The following SEMA6A variants were observed in gnomAD, a reference collection of about 807,000 sequenced individuals.
The protein encoded by SEMA6A is semaphorin 6A, also known as semaphorin-6A.
A neutral mutation model predicts 96.8 loss-of-function variants in SEMA6A; 25 were observed. The ratio of observed to expected loss-of-function variants is 0.26; its 90% CI spans 0.19 to 0.36. The LOEUF (loss-of-function observed/expected upper bound fraction) is 0.36, where lower values mean the gene tolerates loss of function less well. Among genes scored for constraint, SEMA6A ranks in the 10% least tolerant of loss-of-function variants. The probability of loss-of-function intolerance (pLI) is 1.00; values close to 1 mark genes in which losing one functional copy is unlikely to be tolerated. For missense variants in SEMA6A, 1,363 were observed against 1,323.1 expected (o/e 1.03, Z -0.47); for synonymous variants, 612 against 518.0 (o/e 1.18, Z -2.46).
chr5:116,508,557 A>AAGGGCTCAC (rs1292572503), intron 1 of SEMA6A, among the ~76,000 whole-genome samples: 1 of 152,238 alleles, frequency 6.6e-6, no homozygotes. Context: ...CCTGCCCTGG[A>AAGGGCTCAC]AAATTCTACG....
rs751850508 is a variant in SEMA6A at position 116,478,124 on chromosome 5, C to T, written c.1458G>A (p.Arg486=). 1.9e-6 allele frequency: 3 copies of T among 1,613,772 alleles called. No homozygotes were observed. In the Admixed American group the frequency reaches 5.0e-5, roughly 27 times the overall value. The change falls in exon 14 of 19, where the codon AGG becomes AGA. Residue 486 remains arginine (R), a synonymous_variant. Transcript: ENST00000343348. ...KCSYDGVEDK[R]IMGMQLDRAS... The stretch of plus-strand genomic sequence containing the variant: ...CTCTGTCCAGCTGCATGCCCATGAT[C>T]CTTTTGTCTTCGACTCCATCATAGC...
In SEMA6A at chr5:116,495,474, T is replaced by C; in HGVS notation, c.383A>G (p.Asn128Ser). The C allele has an allele frequency of 6.2e-7, 1 of 1,608,602 alleles. No individual in the cohort carries two copies. Among genetic ancestry groups the C allele is most frequent in the Non-Finnish European group, 8.5e-7 (1 of 1,177,290 alleles). ...HNFIKVLLKK[N>S]DDALFVCGTN... ...TCCACAGACAAACAATGCATCATCG[T>C]TTTTCTTTAGAAGAACTTTAATAAA... Residue 128 changes from asparagine (N) to serine (S), a missense_variant, in exon 6 of 19, where the codon AAC (asparagine) becomes AGC (serine). Around this residue, in one of 2 missense-constraint regions of SEMA6A, gnomAD observed 480 missense variants for 559.5 expected, o/e 0.86. Transcript: ENST00000343348.
At chr5:116,527,683 T>C (rs1345227321) in intron 1 of SEMA6A, among the ~76,000 whole-genome samples, 1 of 152,216 alleles carries the variant, frequency 6.6e-6, no homozygotes, top group Non-Finnish European at 1.5e-5. Context: ...AATTCTTTTA[T>C]TTTTTCTTGT....
intron 1 of SEMA6A, among the ~76,000 whole-genome samples, chr5:116,564,085 A>C (rs574929630): frequency 1.3e-5 from 2 of 152,352 alleles, no homozygotes; most frequent in South Asian, 2.1e-4. Flanking sequence ...TTTACTTCAC[A>C]TTATTGGCCT....
In SEMA6A at chr5:116,504,922, A is replaced by C; in HGVS notation, c.23T>G (p.Leu8Arg). The change falls in exon 2 of 19, where the codon CTA becomes CGA. Residue 8 changes from leucine to arginine, a missense_variant. This residue lies in a region of SEMA6A where 480 missense variants were observed against 559.5 expected (regional missense o/e 0.86). Coordinates refer to ENST00000343348, the MANE Select transcript of SEMA6A (RefSeq NM_020796.5). ...AGCAAAGTGTAGCAGTGTGAAATATAGCAGCAAGGCTTCTGACCTCATAGT... is the reference window on the plus strand; with the variant it reads ...AGCAAAGTGTAGCAGTGTGAAATATCGCAGCAAGGCTTCTGACCTCATAGT... Reference protein sequence around the residue: MRSEALLLYFTLLHFAGA... With the variant: MRSEALLRYFTLLHFAGA... 1 of 1,600,526 alleles carries C rather than the reference A, an allele frequency of 6.2e-7. No individual in the cohort carries two copies. The highest frequency in any genetic ancestry group is 1.1e-5 in the South Asian group (1 of 87,966).
At chr5:116,531,957 A>C (rs916128948) in intron 1 of SEMA6A, among the ~76,000 whole-genome samples, 1 of 152,196 alleles carries the variant, frequency 6.6e-6, no homozygotes, top group Non-Finnish European at 1.5e-5. Context: ...GAGACTGTGC[A>C]GTCCAACCCT....
At chr5:116,452,976 A>G (rs1475524588) in intron 18 of SEMA6A, among the ~76,000 whole-genome samples, 4 of 152,242 alleles carry the variant, frequency 2.6e-5, no homozygotes, top group South Asian at 2.1e-4. Context: ...AAGTGTGGCT[A>G]TGTCATGAGT....
At chr5:116,510,408 C>A (rs1382388576) in intron 1 of SEMA6A, among the ~76,000 whole-genome samples, 4 of 152,088 alleles carry the variant, frequency 2.6e-5, no homozygotes, top group African/African-American at 9.7e-5. Flanking sequence ...CATAGGAGAG[C>A]AGAAAAGAGC....
intron 1 of SEMA6A, among the ~76,000 whole-genome samples, chr5:116,548,849 G>A (rs1760289680): frequency 1.3e-5 from 2 of 152,306 alleles, no homozygotes; most frequent in Admixed American, 1.3e-4. Flanking sequence ...AATGAATGCT[G>A]CCTTGGAAAC....
rs1240384981 is a variant in SEMA6A, at chr5:116,447,415, A to G, written c.2291T>C (p.Leu764Pro). The change falls in exon 19 of 19, where the codon CTG (leucine) becomes CCG (proline). Residue 764 changes from leucine (L) to proline (P), a missense_variant. This residue lies in a region of SEMA6A where 883 missense variants were observed against 763.6 expected (regional missense o/e 1.16). Transcript: ENST00000343348. The part of the protein sequence containing the change: ...ALPTPESTPT[L>P]QQKRKPSRGS... ...GCGGCTGGGCTTCCGCTTCTGCTGCAGCGTTGGGGTTGACTCTGGGGTGGG... is the reference window on the plus strand; with the variant it reads ...GCGGCTGGGCTTCCGCTTCTGCTGCGGCGTTGGGGTTGACTCTGGGGTGGG... 6.2e-7 allele frequency: 1 copy of G among 1,613,958 alleles called. No homozygotes were observed. Among genetic ancestry groups the G allele is most frequent in the Non-Finnish European group, 8.5e-7 (1 of 1,179,886 alleles).
At chr5:116,540,511 C>T (rs1387506362) in intron 1 of SEMA6A, among the ~76,000 whole-genome samples, 5 of 152,180 alleles carry the variant, frequency 3.3e-5, no homozygotes, top group Non-Finnish European at 7.3e-5. Flanking sequence ...GGCCTGGTCC[C>T]TTTCATACTG....
At chr5:116,511,470 T>G (rs1163653738) in intron 1 of SEMA6A, among the ~76,000 whole-genome samples, 2 of 152,178 alleles carry the variant, frequency 1.3e-5, no homozygotes, top group Non-Finnish European at 2.9e-5. Flanking sequence ...TGCCAAAGTT[T>G]ATGTCCTTCC....
At chr5:116,452,876 A>G (rs1054222771) in intron 18 of SEMA6A, among the ~76,000 whole-genome samples, 1 of 152,210 alleles carries the variant, frequency 6.6e-6, no homozygotes, top group Admixed American at 6.5e-5. Context: ...ACATTTACCA[A>G]GCACTGCACT....
At position 116,478,363 on chromosome 5, in the gene SEMA6A, C is replaced by T. The variant is rs552161661; in HGVS notation, c.1427+179G>A. 11 of 772,576 alleles carry T rather than the reference C, an allele frequency of 1.4e-5. No homozygotes were observed. In the African/African-American group the frequency reaches 1.8e-4, roughly 12 times the overall value. 47.9% of individuals were successfully genotyped at this position (772,576 alleles called of 1,614,324 possible). On this transcript the variant is annotated intron_variant, in intron 13 of 18. Transcript: ENST00000343348. The stretch of plus-strand genomic sequence containing the variant: ...ACACATATATGTATCTATATAAACA[C>T]ACACACACACATTGGCAAGGAGAAA...
At chr5:116,479,135 C>G (rs951795502) in intron 12 of SEMA6A, among the ~76,000 whole-genome samples, 4 of 152,204 alleles carry the variant, frequency 2.6e-5, no homozygotes, top group African/African-American at 9.7e-5. Context: ...TCTCCATACT[C>G]TTCCTCTGAG....
intron 18 of SEMA6A, among the ~76,000 whole-genome samples, chr5:116,455,339 A>G (rs546644811): frequency 6.6e-6 from 1 of 152,336 alleles, no homozygotes; most frequent in South Asian, 2.1e-4. Flanking sequence ...CATGTGTTAG[A>G]ACTGTTACTG....
intron 1 of SEMA6A, chr5:116,550,547 ATCT>A (rs1354426461): frequency 6.6e-6 from 1 of 152,168 alleles, no homozygotes; most frequent in Admixed American, 6.5e-5. Context: ...TGTTGATCTA[ATCT>A]TCTTTAAGTA....
intron 1 of SEMA6A, among the ~76,000 whole-genome samples, chr5:116,560,585 G>C (rs1470449514): frequency 6.6e-6 from 1 of 151,960 alleles, no homozygotes; most frequent in Admixed American, 6.6e-5. Context: ...TTATAGGTAA[G>C]AGTTGCAAGC....
chr5:116,499,974 A>G (rs1392117695), intron 3 of SEMA6A, among the ~76,000 whole-genome samples: 2 of 152,232 alleles, frequency 1.3e-5, no homozygotes, highest in Non-Finnish European at 2.9e-5. Flanking sequence ...GAAAGTGAAC[A>G]ATTCACAAGA....
Sources: gnomAD v4.1 joint callset for allele counts (sites outside exome capture counted in the v4.1 genomes callset) on GRCh38, gnomAD v4.1.1 for gene constraint, gnomAD v4.1.1 regional missense constraint, MANE v1.5 for transcripts, NCBI Gene and HGNC (gene_info 2026-07-23, HGNC 2026-07-21) for gene names.